Variants in XYLT1 observed in about 807,000 individuals in gnomAD.
The protein encoded by XYLT1 is xylosyltransferase 1, also known as beta-D-xylosyltransferase 1.
XYLT1 carries 36 observed loss-of-function variants against 91.3 expected under a neutral mutation model. The ratio of observed to expected loss-of-function variants is 0.39; its 90% CI spans 0.30 to 0.52. XYLT1 has a LOEUF of 0.52. Ranked by LOEUF, XYLT1 falls within the 20% of genes least tolerant of loss-of-function variation. The pLI is 0.68. For synonymous variants in XYLT1, 588 were observed against 532.0 expected, an observed-to-expected ratio of 1.11 and a Z score of -1.45; for missense variants, 1,242 against 1,284.5, an observed-to-expected ratio of 0.97 and a Z score of 0.51.
chr16:17,348,597 C>T (rs946712183), intron 2 of XYLT1, among the ~76,000 whole-genome samples: 3 of 152,212 alleles, frequency 2.0e-5, no homozygotes, highest in South Asian at 2.1e-4. Context: ...AACGAGGTCA[C>T]GCATATAAAG....
At chr16:17,137,794 G>GAAAAGTGCAATTCA (rs919988398) in intron 8 of XYLT1, among the ~76,000 whole-genome samples, 9 of 151,854 alleles carry the variant, frequency 5.9e-5, no homozygotes, top group Non-Finnish European at 1.0e-4. Flanking sequence ...CTGCTCCTCA[G>GAAAAGTGCAATTCA]AAAAGTGCAA....
chr16:17,191,539 A>G (rs546539733), intron 5 of XYLT1, among the ~76,000 whole-genome samples: 6 of 152,350 alleles, frequency 3.9e-5, no homozygotes, highest in African/African-American at 1.4e-4. Context: ...GATGGGATTA[A>G]GAAGAAATAT....
intron 1 of XYLT1, among the ~76,000 whole-genome samples, chr16:17,393,464 T>C (rs35136808): frequency 0.15 from 22,285 of 152,076 alleles, 1,899 homozygotes; most frequent in Middle Eastern, 0.22. Context: ...ACCCTCCCAC[T>C]CTTCACAGTC....
intron 2 of XYLT1, among the ~76,000 whole-genome samples, chr16:17,293,880 G>A (rs1021656696): frequency 6.6e-6 from 1 of 152,174 alleles, no homozygotes; most frequent in Non-Finnish European, 1.5e-5. Flanking sequence ...AACCCTGGAC[G>A]CATCTTGGGG....
At chr16:17,287,459 T>C (rs760453321) in intron 2 of XYLT1, among the ~76,000 whole-genome samples, 26 of 152,132 alleles carry the variant, frequency 1.7e-4, no homozygotes, top group Non-Finnish European at 3.4e-4. Flanking sequence ...ATGAGACAAT[T>C]TGTCGAATCC....
intron 5 of XYLT1, among the ~76,000 whole-genome samples, chr16:17,169,150 G>A (rs1458724919): frequency 6.6e-6 from 1 of 152,136 alleles, no homozygotes; most frequent in Non-Finnish European, 1.5e-5. Context: ...AGAACACTGG[G>A]GGATGCAGAC....
chr16:17,309,892 T>C (rs2034518545), intron 2 of XYLT1, among the ~76,000 whole-genome samples: 1 of 152,118 alleles, frequency 6.6e-6, no homozygotes, highest in African/African-American at 2.4e-5. Context: ...AGAAAGGCTA[T>C]GTGGGGAGTG....
At chr16:17,141,417 G>C (rs2030971683) in intron 6 of XYLT1, 48 bp from the exon 7 acceptor site, 2 of 1,570,092 alleles carry the variant, frequency 1.3e-6, no homozygotes, top group South Asian at 1.1e-5. Context: ...CTGAAAGACA[G>C]AACTCCAGCC....
At chr16:17,332,567 TACACACACACACAC>T (rs60919228) in intron 2 of XYLT1, among the ~76,000 whole-genome samples, 7 of 138,006 alleles carry the variant, frequency 5.1e-5, no homozygotes, top group East Asian at 2.2e-4. Context: ...ATCACACACA[TACACACACACACAC>T]ACACACACAC....
intron 2 of XYLT1, among the ~76,000 whole-genome samples, chr16:17,293,520 G>A (rs2034263382): frequency 1.0e-5 from 1 of 97,634 alleles, no homozygotes; most frequent in African/African-American, 3.8e-5. Context: ...TTTTTTTTGA[G>A]ACTGAGTCTC....
intron 2 of XYLT1, among the ~76,000 whole-genome samples, chr16:17,327,964 G>C (rs1430775128): frequency 6.6e-6 from 1 of 152,110 alleles, no homozygotes; most frequent in Non-Finnish European, 1.5e-5. Context: ...AGGACTTGAT[G>C]TTGCCTTGAC....
At chr16:17,444,015 C>T (rs2036562856) in intron 1 of XYLT1, among the ~76,000 whole-genome samples, 1 of 152,174 alleles carries the variant, frequency 6.6e-6, no homozygotes, top group Admixed American at 6.5e-5. Context: ...TCAATGACCA[C>T]CAGGCACACT....
intron 5 of XYLT1, among the ~76,000 whole-genome samples, chr16:17,164,318 G>A (rs573705434): frequency 1.1e-4 from 17 of 150,182 alleles, no homozygotes; most frequent in African/African-American, 4.1e-4. Context: ...TGGAGACAGA[G>A]TCTTGCCATC....
At chr16:17,262,887 T>A (rs1176236556) in intron 2 of XYLT1, among the ~76,000 whole-genome samples, 2 of 152,158 alleles carry the variant, frequency 1.3e-5, no homozygotes, top group Non-Finnish European at 2.9e-5. Flanking sequence ...GCTAACCTGA[T>A]CTCCTTTCTT....
At position 17,312,960 on chromosome 16, in the gene XYLT1, C is replaced by CCTCTTGGAAAAG. The variant is rs1166708020; in HGVS notation, c.402+45040_402+45051dup. Among the ~76,000 whole-genome samples, 4 of 152,236 alleles carry CCTCTTGGAAAAG rather than the reference C, an allele frequency of 2.6e-5. No homozygotes were observed. Among genetic ancestry groups the CCTCTTGGAAAAG allele is most frequent in the Admixed American group, 1.3e-4 (2 of 15,286 alleles). On this transcript the variant is annotated intron_variant, in intron 2 of 11. Coordinates refer to ENST00000261381, the MANE Select transcript of XYLT1 (RefSeq NM_022166.4). The surrounding 1 kb of genome is among the most constrained non-coding windows in gnomAD (Gnocchi z 4.4). ...CCAGACCCATCCCAAAGAACCGGAT[C>CCTCTTGGAAAAG]CTCTTGGAAAAGCTCCCCCTGGCCG...
chr16:17,173,724 C>T (rs1366545224), intron 5 of XYLT1, among the ~76,000 whole-genome samples: 20 of 152,240 alleles, frequency 1.3e-4, no homozygotes, highest in Admixed American at 1.3e-3. Flanking sequence ...TGAGTGACAG[C>T]TTGACGTGCT....
chr16:17,205,959 G>A (rs1007978209), intron 3 of XYLT1, among the ~76,000 whole-genome samples: 20 of 152,170 alleles, frequency 1.3e-4, no homozygotes, highest in Non-Finnish European at 2.5e-4. Flanking sequence ...ATGGAAACAA[G>A]GTTGTATGCA....
At chr16:17,206,675 G>C (rs2032652899) in intron 3 of XYLT1, among the ~76,000 whole-genome samples, 1 of 152,180 alleles carries the variant, frequency 6.6e-6, no homozygotes, top group East Asian at 1.9e-4. Context: ...GTTCGAGGCT[G>C]CAGTGAGCTA....
At chr16:17,202,692 C>T (rs8051552) in intron 3 of XYLT1, among the ~76,000 whole-genome samples, 85,819 of 151,996 alleles carry the variant, frequency 0.56, 26,553 homozygotes, top group African/African-American at 0.81. Context: ...TTTCACCTCA[C>T]CGGATTTCAA....
Sources: allele counts gnomAD v4.1 joint callset (sites outside exome capture counted in the v4.1 genomes callset), GRCh38; gene constraint gnomAD v4.1.1; non-coding constraint Gnocchi (gnomAD v3.1); transcripts MANE v1.5; gene names NCBI Gene and HGNC (gene_info 2026-07-23, HGNC 2026-07-21).